The following CD38 variants were observed in gnomAD, a reference collection of about 807,000 sequenced individuals.
CD38 encodes ADP-ribosyl cyclase/cyclic ADP-ribose hydrolase 1.
In CD38, 31 loss-of-function variants were observed where a neutral mutation model predicts 36.3. The observed-to-expected ratio is 0.85, with a 90% CI of 0.64 to 1.15. The LOEUF (loss-of-function observed/expected upper bound fraction) is 1.15. CD38 is among the 50% of genes most tolerant of loss of function. The pLI, the probability that CD38 is intolerant of heterozygous loss-of-function variation, is 0.00. For synonymous variants in CD38, 131 were observed against 135.2 expected, an observed-to-expected ratio of 0.97 and a Z score of 0.22; for missense variants, 380 against 371.9, an observed-to-expected ratio of 1.02 and a Z score of -0.18.
At chr4:15,813,764 C>T (rs1272043241) in intron 1 of CD38, among the ~76,000 whole-genome samples, 3 of 152,154 alleles carry the variant, frequency 2.0e-5, no homozygotes, top group Non-Finnish European at 4.4e-5. Context: ...CATGTCCCTG[C>T]AAAGGACATA....
chr4:15,827,383 A>G (rs1723871350), intron 3 of CD38, among the ~76,000 whole-genome samples: 1 of 152,092 alleles, frequency 6.6e-6, no homozygotes, highest in Non-Finnish European at 1.5e-5. Flanking sequence ...TGTGTTTCAT[A>G]TCTTCCTTAA....
chr4:15,785,876 C>T (rs1002369644), intron 1 of CD38, among the ~76,000 whole-genome samples: 3 of 152,090 alleles, frequency 2.0e-5, no homozygotes, highest in Non-Finnish European at 2.9e-5. Context: ...AGAGTTTGTT[C>T]CTTCTGGTGT....
intron 4 of CD38, among the ~76,000 whole-genome samples, chr4:15,837,155 T>C (rs931472125): frequency 5.3e-5 from 8 of 152,196 alleles, no homozygotes; most frequent in Non-Finnish European, 8.8e-5. Flanking sequence ...ACATTTTATA[T>C]GTATCAAGAA....
chr4:15,814,332 G>A (rs1723536978), intron 1 of CD38, among the ~76,000 whole-genome samples: 1 of 152,070 alleles, frequency 6.6e-6, no homozygotes, highest in African/African-American at 2.4e-5. Context: ...TGTAGACTTA[G>A]GATATTAGAT....
At chr4:15,837,855 C>A (rs1724103112) in intron 4 of CD38, among the ~76,000 whole-genome samples, 2 of 152,210 alleles carry the variant, frequency 1.3e-5, no homozygotes, top group African/African-American at 4.8e-5. Context: ...GCTCTATGAA[C>A]TATAACACTG....
intron 2 of CD38, among the ~76,000 whole-genome samples, chr4:15,822,384 A>G (rs539339144): frequency 6.6e-6 from 1 of 152,236 alleles, no homozygotes; most frequent in South Asian, 2.1e-4. Flanking sequence ...TTTCAAATGG[A>G]AAAAAGGAAA....
chr4:15,831,804 T>C (rs556469230), intron 3 of CD38, among the ~76,000 whole-genome samples: 8 of 152,184 alleles, frequency 5.3e-5, no homozygotes, highest in African/African-American at 9.6e-5. Context: ...ATAACCTTCT[T>C]GTACTTGGGA....
chr4:15,809,882 A>G (rs941074500), intron 1 of CD38, among the ~76,000 whole-genome samples: 2 of 152,164 alleles, frequency 1.3e-5, no homozygotes, highest in Non-Finnish European at 2.9e-5. Context: ...TGCAGTCCCA[A>G]TCCCTTTTTA....
intron 1 of CD38, among the ~76,000 whole-genome samples, chr4:15,787,958 A>G (rs1722878413): frequency 6.6e-6 from 1 of 152,126 alleles, no homozygotes. Flanking sequence ...TATTTAGACA[A>G]ACTCCCCTAC....
intron 3 of CD38, among the ~76,000 whole-genome samples, chr4:15,829,405 G>A (rs1016788917): frequency 1.3e-5 from 2 of 151,990 alleles, no homozygotes; most frequent in African/African-American, 4.8e-5. Context: ...TAAAACAGGG[G>A]TGTCCAATTT....
At chr4:15,840,339 CTACTT>C in intron 6 of CD38, 108 bp from the exon 7 acceptor site, 1 of 776,682 alleles carries the variant, frequency 1.3e-6, no homozygotes, top group Non-Finnish European at 2.2e-6. Context: ...GGATTTACCT[CTACTT>C]TACCTCTTTA....
intron 1 of CD38, among the ~76,000 whole-genome samples, chr4:15,804,710 TA>T (rs372379096): frequency 6.6e-6 from 1 of 152,216 alleles, no homozygotes; most frequent in African/African-American, 2.4e-5. Context: ...ATGTGGGAGC[TA>T]AAAAAGTTGA....
At chr4:15,833,826 G>GAA (rs374371734) in intron 3 of CD38, among the ~76,000 whole-genome samples, 1 of 152,180 alleles carries the variant, frequency 6.6e-6, no homozygotes. Context: ...AGTGGGGCAG[G>GAA]AAACACAGCA....
At chr4:15,789,234 T>G (rs1053935731) in intron 1 of CD38, among the ~76,000 whole-genome samples, 1 of 152,196 alleles carries the variant, frequency 6.6e-6, no homozygotes, top group Non-Finnish European at 1.5e-5. Context: ...CCTGGAGATA[T>G]AGCAGTAAAC....
intron 7 of CD38, among the ~76,000 whole-genome samples, chr4:15,841,369 CAGA>C (rs1363836404): frequency 3.3e-5 from 5 of 152,172 alleles, no homozygotes; most frequent in Non-Finnish European, 7.4e-5. Context: ...ATCAGAAAAG[CAGA>C]AGGATAGATT....
chr4:15,828,585 T>C (rs144907137), intron 3 of CD38, among the ~76,000 whole-genome samples: 4 of 152,346 alleles, frequency 2.6e-5, no homozygotes, highest in African/African-American at 9.6e-5. Context: ...TTTGTCTTTC[T>C]GTGGGTGGCT....
At chr4:15,801,273 A>C (rs574470105) in intron 1 of CD38, among the ~76,000 whole-genome samples, 1 of 152,072 alleles carries the variant, frequency 6.6e-6, no homozygotes, top group South Asian at 2.1e-4. Context: ...AGGAACCTCA[A>C]TAATAATTTT....
At chr4:15,798,925 A>G (rs1011084516) in intron 1 of CD38, among the ~76,000 whole-genome samples, 8 of 152,030 alleles carry the variant, frequency 5.3e-5, no homozygotes, top group African/African-American at 1.9e-4. Flanking sequence ...CAGGATTCTA[A>G]TCTTCTGTCA....
chr4:15,838,939 G>A (rs920757302), intron 5 of CD38, among the ~76,000 whole-genome samples: 3 of 152,164 alleles, frequency 2.0e-5, no homozygotes, highest in Non-Finnish European at 2.9e-5. Flanking sequence ...GGCCACACCT[G>A]TGCCTTCCTT....
Sources: gnomAD v4.1 joint callset for allele counts (sites outside exome capture counted in the v4.1 genomes callset) on GRCh38, gnomAD v4.1.1 for gene constraint, MANE v1.5 for transcripts, NCBI Gene and HGNC (gene_info 2026-07-23, HGNC 2026-07-21) for gene names.